PACS1: variants seen among roughly 807,000 people sequenced by gnomAD.
PACS1 encodes the protein phosphofurin acidic cluster sorting protein 1, also known as PACS-1.
PACS1 carries 24 observed loss-of-function variants against 115.0 expected under a neutral mutation model. That is an observed-to-expected ratio of 0.21 (90% CI 0.15 to 0.29). PACS1 has a LOEUF of 0.29. Among genes scored for constraint, PACS1 ranks in the 10% least tolerant of loss-of-function variants. The pLI, the probability that PACS1 is intolerant of heterozygous loss-of-function variation, is 1.00. For missense variants in PACS1, 838 were observed against 1,251.2 expected, an observed-to-expected ratio of 0.67 and a Z score of 4.98; for synonymous variants, 453 against 504.5, an observed-to-expected ratio of 0.90 and a Z score of 1.37.
intron 1 of PACS1, among the ~76,000 whole-genome samples, chr11:66,133,917 A>G (rs1296944457): frequency 1.3e-5 from 2 of 152,208 alleles, no homozygotes; most frequent in Non-Finnish European, 2.9e-5. Context: ...AGCAAGCCAG[A>G]CAGATACTTG....
chr11:66,137,215 T>C (rs992679770), intron 1 of PACS1, among the ~76,000 whole-genome samples: 3 of 152,154 alleles, frequency 2.0e-5, no homozygotes, highest in African/African-American at 4.8e-5. Flanking sequence ...ATACCCATAT[T>C]TTCTGCTAGT....
intron 13 of PACS1, chr11:66,231,830 C>T (rs1028961115): frequency 3.9e-6 from 1 of 256,502 alleles, no homozygotes; most frequent in African/African-American, 2.2e-5. Context: ...CCCTCTGCCT[C>T]TCCCTTCCTG....
chr11:66,095,203 T>C (rs554737923), intron 1 of PACS1, among the ~76,000 whole-genome samples: 2,223 of 147,708 alleles, frequency 0.015, 48 homozygotes, highest in African/African-American at 0.052. Context: ...CCAGGGCAAT[T>C]AGGCAGGAGA....
Position 66,233,976 on chromosome 11 carries a change from AG to A in PACS1, c.1993+40del. 6.4e-7 allele frequency: 1 copy of A among 1,568,120 alleles called. No homozygotes were observed. Among genetic ancestry groups the A allele is most frequent in the East Asian group, 2.3e-5 (1 of 44,414 alleles). On this transcript the variant is annotated intron_variant, in intron 16 of 23. Transcript: ENST00000320580. The surrounding 1 kb of genome is among the most constrained non-coding windows in gnomAD (Gnocchi z 4.5). ...AGGCACCAGGAGGGCGTCGGGCATG[AG>A]GGTTCCATAGACAGATGCCTCATCT... is the stretch of plus-strand genomic sequence containing the variant.
At chr11:66,203,047 G>A (rs1854853049) in intron 2 of PACS1, among the ~76,000 whole-genome samples, 1 of 151,962 alleles carries the variant, frequency 6.6e-6, no homozygotes, top group African/African-American at 2.4e-5. Context: ...AAGGCATCCA[G>A]ATTGGAAAGG....
At position 66,193,515 on chromosome 11, in the gene PACS1, T is replaced by C. The variant is rs761566401; in HGVS notation, c.386T>C (p.Val129Ala). ...RLFSLTLKKL[V>A]MLKEMDKDLN... ...TTCAGCTTGACCCTGAAGAAACTCG[T>C]CATGCTAAAAGAAATGGACAAAGAT... The change falls in exon 2 of 24, where the codon GTC becomes GCC. Residue 129 changes from valine (V) to alanine (A), a missense_variant. Val to Ala is a moderately conservative substitution (Grantham distance 64, BLOSUM62 0). This residue lies in a region of PACS1 where 223 missense variants were observed against 354.0 expected (regional missense o/e 0.63). Coordinates refer to ENST00000320580, the MANE Select transcript of PACS1 (RefSeq NM_018026.4). 3 of 1,613,800 alleles carry C rather than the reference T, an allele frequency of 1.9e-6. No homozygotes were observed. The highest frequency in any genetic ancestry group is 2.5e-6 in the Non-Finnish European group (3 of 1,179,680).
intron 1 of PACS1, among the ~76,000 whole-genome samples, chr11:66,160,729 C>T (rs1325403792): frequency 6.7e-5 from 10 of 149,896 alleles, no homozygotes; most frequent in Non-Finnish European, 1.3e-4. Flanking sequence ...CTATGTTTCC[C>T]AGGCTGGTCT....
At position 66,166,568 on chromosome 11, in the gene PACS1, T is replaced by A. The variant is rs1859608758; in HGVS notation, c.357-26918T>A. On this transcript the variant is annotated intron_variant, in intron 1 of 23. Transcript: ENST00000320580. The stretch of plus-strand genomic sequence containing the variant: ...TCTTCTTTTTTAAAGTTTTACTCTA[T>A]ATGTATTTCCCTGCACAATTAATCG... 2.0e-5 allele frequency among the ~76,000 whole-genome samples: 3 copies of A among 150,826 alleles called. 1 individual carries two copies. Among genetic ancestry groups the A allele is most frequent in the African/African-American group, 7.5e-5 (3 of 40,116 alleles).
At chr11:66,178,348 C>G (rs1184798256) in intron 1 of PACS1, among the ~76,000 whole-genome samples, 1 of 152,128 alleles carries the variant, frequency 6.6e-6, no homozygotes, top group African/African-American at 2.4e-5. Flanking sequence ...TGGAACCGTA[C>G]TGGATGTGTT....
At chr11:66,100,781 G>T in intron 1 of PACS1, 1 of 456,250 alleles carries the variant, frequency 2.2e-6, no homozygotes, top group Non-Finnish European at 4.4e-6. Flanking sequence ...GTGATGTCTG[G>T]CAGCTGATGC....
At chr11:66,141,776 G>GT (rs1858995511) in intron 1 of PACS1, among the ~76,000 whole-genome samples, 2 of 151,672 alleles carry the variant, frequency 1.3e-5, no homozygotes, top group Non-Finnish European at 2.9e-5. Context: ...ATTTTTTGTT[G>GT]TTTTTTGTAG....
At chr11:66,225,198 C>G (rs928134388) in intron 10 of PACS1, among the ~76,000 whole-genome samples, 5 of 152,138 alleles carry the variant, frequency 3.3e-5, no homozygotes, top group Non-Finnish European at 7.3e-5. Context: ...CACTCTTGCC[C>G]CCTTCTCTCT....
intron 1 of PACS1, among the ~76,000 whole-genome samples, chr11:66,180,575 G>A (rs1485803364): frequency 7.2e-5 from 11 of 151,962 alleles, no homozygotes; most frequent in Admixed American, 5.9e-4. Flanking sequence ...AAATGGTCTC[G>A]ATCTCCTGAC....
At chr11:66,154,418 A>G (rs1859309391) in intron 1 of PACS1, among the ~76,000 whole-genome samples, 1 of 152,172 alleles carries the variant, frequency 6.6e-6, no homozygotes, top group Non-Finnish European at 1.5e-5. Context: ...CAGCCTGGGC[A>G]ACAGAGTGAG....
intron 4 of PACS1, among the ~76,000 whole-genome samples, chr11:66,214,620 C>T (rs964682206): frequency 1.8e-4 from 21 of 115,284 alleles, no homozygotes; most frequent in East Asian, 5.1e-4. Context: ...TTTTTCTTTT[C>T]TTTTTTTTTT....
At chr11:66,144,661 T>A (rs1253621186) in intron 1 of PACS1, among the ~76,000 whole-genome samples, 1 of 152,222 alleles carries the variant, frequency 6.6e-6, no homozygotes, top group Non-Finnish European at 1.5e-5. Context: ...TTGAGATGGA[T>A]CTCGCTCTGT....
At chr11:66,166,461 A>T (rs1859605984) in intron 1 of PACS1, among the ~76,000 whole-genome samples, 1 of 141,898 alleles carries the variant, frequency 7.0e-6, no homozygotes, top group African/African-American at 3.1e-5. Flanking sequence ...GTCACATCTT[A>T]CAGCTGTCGT....
chr11:66,131,766 T>TA lies in PACS1; in HGVS notation c.356+60934dup, dbSNP rs34791428. Among the ~76,000 whole-genome samples, 673 of 146,836 alleles carry TA rather than the reference T, an allele frequency of 4.6e-3. 3 individuals are homozygous for TA. The highest frequency in any genetic ancestry group is 0.014 in the African/African-American group (577 of 40,148). ...AACATAGCAAGACTCCATCTCTATG[T>TA]AAAAAAAAAAGGCATTATCCTGTAT... On this transcript the variant is annotated intron_variant, in intron 1 of 23. Coordinates refer to ENST00000320580, the MANE Select transcript of PACS1 (RefSeq NM_018026.4).
chr11:66,212,034 A>G (rs1855083078), intron 4 of PACS1, among the ~76,000 whole-genome samples: 1 of 152,202 alleles, frequency 6.6e-6, no homozygotes, highest in Non-Finnish European at 1.5e-5. Flanking sequence ...TGTTTCTGGC[A>G]GCATTACCAC....
Sources: gnomAD v4.1 joint callset for allele counts (sites outside exome capture counted in the v4.1 genomes callset) on GRCh38, gnomAD v4.1.1 for gene constraint, gnomAD v4.1.1 regional missense constraint, Gnocchi (gnomAD v3.1) non-coding constraint, MANE v1.5 for transcripts, NCBI Gene and HGNC (gene_info 2026-07-23, HGNC 2026-07-21) for gene names.